The following ZNF469 variants were observed in gnomAD, a reference collection of about 807,000 sequenced individuals.
The protein encoded by ZNF469 is zinc finger protein 469.
A neutral mutation model predicts 1.0 loss-of-function variants in ZNF469; 1 was observed. That is an observed-to-expected ratio of 1.00 (90% confidence interval 0.35 to 4.73). ZNF469 has a LOEUF of 4.73. Among genes scored for constraint, ZNF469 ranks in the 30% most tolerant of loss-of-function variants. The pLI is 0.16. For missense variants in ZNF469, 6,100 were observed against 5,356.3 expected, an observed-to-expected ratio of 1.14 and a Z score of -4.33; for synonymous variants, 2,703 against 2,363.4, an observed-to-expected ratio of 1.14 and a Z score of -4.17.
upstream of ZNF469, among the ~76,000 whole-genome samples, chr16:88,380,389 A>G (rs1204531849): frequency 8.4e-6 from 1 of 119,594 alleles, no homozygotes; most frequent in Non-Finnish European, 1.5e-5. Flanking sequence ...ACGCACTCAC[A>G]GACACGCCCT....
the ZNF469 span, among the ~76,000 whole-genome samples, chr16:88,311,032 C>T: frequency 2.0e-5 from 3 of 152,226 alleles, no homozygotes; most frequent in East Asian, 1.9e-4. Context: ...TTGCTCGTCA[C>T]GCCTCCCTCG....
At chr16:88,366,924 C>T in the ZNF469 span, among the ~76,000 whole-genome samples, 1 of 152,066 alleles carries the variant, frequency 6.6e-6, no homozygotes, top group Non-Finnish European at 1.5e-5. Flanking sequence ...ATCATCAAGA[C>T]CATCATCATT....
the ZNF469 span, among the ~76,000 whole-genome samples, chr16:88,111,970 T>C: frequency 6.6e-6 from 1 of 152,354 alleles, no homozygotes; most frequent in Non-Finnish European, 1.5e-5. Flanking sequence ...CCCTTGATTA[T>C]TTCACTTAAT....
the ZNF469 span, among the ~76,000 whole-genome samples, chr16:88,332,203 A>C: frequency 6.6e-5 from 10 of 152,374 alleles, no homozygotes; most frequent in East Asian, 1.5e-3. Flanking sequence ...ATTTTTTGAC[A>C]GAGGATGGAA....
chr16:88,407,919 C>T (rs1905061439), intron 1 of ZNF469, among the ~76,000 whole-genome samples: 2 of 152,268 alleles, frequency 1.3e-5, no homozygotes, highest in African/African-American at 2.4e-5. Flanking sequence ...GCCATGCCTG[C>T]ACGTGTGTGC....
chr16:88,296,395 GAC>G, the ZNF469 span, among the ~76,000 whole-genome samples: 203 of 150,876 alleles, frequency 1.3e-3, no homozygotes, highest in Middle Eastern at 3.5e-3. Context: ...TGCACATACA[GAC>G]ACATATGTGC....
chr16:88,318,954 G>A, the ZNF469 span, among the ~76,000 whole-genome samples: 1 of 152,254 alleles, frequency 6.6e-6, no homozygotes, highest in African/African-American at 2.4e-5. Context: ...ACTTGCTTTT[G>A]TTTGGGAGCC....
chr16:88,323,710 C>G, the ZNF469 span, among the ~76,000 whole-genome samples: 1 of 152,146 alleles, frequency 6.6e-6, no homozygotes, highest in East Asian at 1.9e-4. Flanking sequence ...GGCAGGGGGA[C>G]TCCCACACCC....
chr16:88,422,830 GAT>G (rs1905530638), intron 1 of ZNF469, among the ~76,000 whole-genome samples: 3 of 149,364 alleles, frequency 2.0e-5, no homozygotes, highest in Non-Finnish European at 4.4e-5. Context: ...GTGGGTGGGT[GAT>G]GGATGGGTGG....
the ZNF469 span, among the ~76,000 whole-genome samples, chr16:88,129,763 C>T: frequency 1.3e-5 from 2 of 152,160 alleles, no homozygotes; most frequent in Non-Finnish European, 2.9e-5. Context: ...AGGAGGGCTG[C>T]GGTGGGAGGA....
the ZNF469 span, among the ~76,000 whole-genome samples, chr16:88,115,546 C>G: frequency 6.6e-6 from 1 of 151,916 alleles, no homozygotes; most frequent in South Asian, 2.1e-4. Flanking sequence ...AAAATATGCA[C>G]CGTCCAGGAC....
the ZNF469 span, among the ~76,000 whole-genome samples, chr16:88,225,231 T>C: frequency 1.3e-5 from 2 of 152,236 alleles, no homozygotes; most frequent in East Asian, 3.9e-4. Flanking sequence ...TCCTCAAATA[T>C]TCTAAAAATC....
rs1362036018 is a variant in ZNF469, at chr16:88,430,307, G to C, written c.2837G>C (p.Arg946Thr). ...GCGCCCAGCCAGGGCAGGCAGCAGA[G>C]GAGGGGGAAGCAGTTGAAGCTGTTC... ...ADAPSQGRQQRRGKQLKLFRK... is the reference protein window; with the variant it reads ...ADAPSQGRQQTRGKQLKLFRK... The change falls in exon 3 of 3, where the codon AGG becomes ACG. Residue 946 changes from arginine to threonine, a missense_variant. Transcript: ENST00000565624. 7 of 1,515,440 alleles carry C rather than the reference G, an allele frequency of 4.6e-6. No individual in the cohort carries two copies. The highest frequency in any genetic ancestry group is 6.2e-6 in the Non-Finnish European group (7 of 1,135,042). 93.9% of individuals were successfully genotyped at this position (1,515,440 alleles called of 1,614,324 possible).
At chr16:88,377,581 G>T in the ZNF469 span, among the ~76,000 whole-genome samples, 1 of 152,172 alleles carries the variant, frequency 6.6e-6, no homozygotes, top group Non-Finnish European at 1.5e-5. Flanking sequence ...ATGTCTCCTT[G>T]GACCGGGCTC....
intron 1 of ZNF469, among the ~76,000 whole-genome samples, chr16:88,410,271 G>C (rs1266049090): frequency 6.8e-6 from 1 of 147,912 alleles, no homozygotes; most frequent in Non-Finnish European, 1.5e-5. Context: ...CACAGTTCAC[G>C]GTGACGTCTA....
chr16:88,203,118 A>C, the ZNF469 span, among the ~76,000 whole-genome samples: 3 of 152,076 alleles, frequency 2.0e-5, no homozygotes, highest in African/African-American at 7.2e-5. Context: ...CGGGAAGGGC[A>C]GGTCTGAAGC....
At chr16:88,318,485 C>T in the ZNF469 span, among the ~76,000 whole-genome samples, 1 of 150,072 alleles carries the variant, frequency 6.7e-6, no homozygotes, top group Non-Finnish European at 1.5e-5. Context: ...AGCTGCATCT[C>T]AGGATCAGGC....
chr16:88,287,772 C>T, the ZNF469 span, among the ~76,000 whole-genome samples: 30 of 152,286 alleles, frequency 2.0e-4, no homozygotes, highest in African/African-American at 6.3e-4. Context: ...TATGCATTCA[C>T]GCTCCAGGCT....
At chr16:88,171,787 G>T in the ZNF469 span, among the ~76,000 whole-genome samples, 1 of 152,160 alleles carries the variant, frequency 6.6e-6, no homozygotes, top group Non-Finnish European at 1.5e-5. Context: ...ACAGTAGAGG[G>T]TGATGTATTT....
Sources: gnomAD v4.1 joint callset for allele counts (sites outside exome capture counted in the v4.1 genomes callset) on GRCh38, gnomAD v4.1.1 for gene constraint, MANE v1.5 for transcripts, NCBI Gene and HGNC (gene_info 2026-07-23, HGNC 2026-07-21) for gene names.